Variants in LUZP2 observed in about 807,000 individuals in gnomAD.
The protein encoded by LUZP2 is leucine zipper protein 2.
In LUZP2, 52 loss-of-function variants were observed where a neutral mutation model predicts 51.6. The observed-to-expected ratio is 1.01, with a 90% confidence interval of 0.81 to 1.27. The LOEUF is 1.27. LUZP2 is among the 50% of genes most tolerant of loss of function. The pLI, the probability that LUZP2 is intolerant of heterozygous loss-of-function variation, is 0.00. For synonymous variants in LUZP2, 154 were observed against 137.3 expected (o/e 1.12, Z -0.85); for missense variants, 436 against 395.4 (o/e 1.10, Z -0.87).
At position 24,655,714 on chromosome 11, in the gene LUZP2, A is replaced by G. The variant is rs576734476; in HGVS notation, c.63-73455A>G. Among the ~76,000 whole-genome samples, 5 of 152,312 alleles carry G rather than the reference A, an allele frequency of 3.3e-5. No individual in the cohort carries two copies. The East Asian group carries it at 9.6e-4, about 29-fold the overall frequency. ...CGGGAGGAAATTGTCAGTGTTTGGA[A>G]TTTAGTGACCAGCCTGCTTGTCCAC... On this transcript the variant is annotated intron_variant, in intron 1 of 11. Coordinates refer to ENST00000336930, the MANE Select transcript of LUZP2 (RefSeq NM_001009909.4).
chr11:25,059,523 T>C (rs945511895), intron 10 of LUZP2, among the ~76,000 whole-genome samples: 1 of 152,206 alleles, frequency 6.6e-6, no homozygotes, highest in Non-Finnish European at 1.5e-5. Context: ...ATATCTGCAC[T>C]GAAGTCAAAC....
chr11:24,641,847 A>T (rs1036388248), intron 1 of LUZP2, among the ~76,000 whole-genome samples: 3 of 151,960 alleles, frequency 2.0e-5, no homozygotes, highest in African/African-American at 7.3e-5. Context: ...AAATGTCAAA[A>T]TCAAATAGTT....
intron 1 of LUZP2, among the ~76,000 whole-genome samples, chr11:24,695,549 G>T (rs1381267581): frequency 6.6e-6 from 1 of 152,008 alleles, no homozygotes; most frequent in Non-Finnish European, 1.5e-5. Flanking sequence ...CTACACTGTA[G>T]TACACGAGAA....
chr11:24,929,904 G>T (rs1854394490), intron 7 of LUZP2, among the ~76,000 whole-genome samples: 1 of 152,042 alleles, frequency 6.6e-6, no homozygotes, highest in African/African-American at 2.4e-5. Context: ...TATAAATTTG[G>T]GAGCTCCAGT....
At chr11:24,800,283 C>G (rs1476188257) in intron 5 of LUZP2, among the ~76,000 whole-genome samples, 1 of 152,078 alleles carries the variant, frequency 6.6e-6, no homozygotes, top group Admixed American at 6.6e-5. Flanking sequence ...TCATGAAAGA[C>G]TCCGTGGCCC....
intron 5 of LUZP2, among the ~76,000 whole-genome samples, chr11:24,857,241 C>T (rs1308821352): frequency 6.7e-6 from 1 of 149,266 alleles, no homozygotes; most frequent in Non-Finnish European, 1.5e-5. Flanking sequence ...TATCCCCACT[C>T]CCCTACCCAC....
At chr11:24,659,216 A>G (rs867917425) in intron 1 of LUZP2, among the ~76,000 whole-genome samples, 1 of 152,248 alleles carries the variant, frequency 6.6e-6, no homozygotes, top group African/African-American at 2.4e-5. Context: ...TGTGGCACAT[A>G]TACACCATGG....
At chr11:24,701,777 G>GA (rs1461086319) in intron 1 of LUZP2, among the ~76,000 whole-genome samples, 3 of 152,142 alleles carry the variant, frequency 2.0e-5, no homozygotes, top group Non-Finnish European at 2.9e-5. Flanking sequence ...GGTACAACCA[G>GA]AAAAAACTCC....
At chr11:24,799,434 A>G (rs1849632618) in intron 5 of LUZP2, among the ~76,000 whole-genome samples, 1 of 151,956 alleles carries the variant, frequency 6.6e-6, no homozygotes, top group Admixed American at 6.6e-5. Context: ...CGTCCCTACT[A>G]AAAATACAAA....
intron 5 of LUZP2, among the ~76,000 whole-genome samples, chr11:24,784,332 A>G (rs1314885246): frequency 6.6e-6 from 1 of 151,932 alleles, no homozygotes; most frequent in Non-Finnish European, 1.5e-5. Flanking sequence ...TTTCACAATT[A>G]AGAATCATTA....
chr11:24,619,035 T>G (rs953521743), intron 1 of LUZP2, among the ~76,000 whole-genome samples: 1 of 151,690 alleles, frequency 6.6e-6, no homozygotes, highest in African/African-American at 2.4e-5. Flanking sequence ...TTTATTTATT[T>G]ATTTATTTAT....
rs146437054 is a variant in LUZP2, at chr11:24,768,378, G to A, written c.396+5070G>A. Among the ~76,000 whole-genome samples, 404 of 152,224 alleles carry A rather than the reference G, an allele frequency of 2.7e-3. 3 individuals carry two copies. The highest frequency in any genetic ancestry group is 9.3e-3 in the African/African-American group (387 of 41,540). On this transcript the variant is annotated intron_variant, in intron 5 of 11. Transcript: ENST00000336930. The stretch of plus-strand genomic sequence containing the variant: ...ACCCGCCTTGGCCTCCCAAAGTGCT[G>A]GGATTACAGGCATAAGCCATCGCAC...
intron 5 of LUZP2, among the ~76,000 whole-genome samples, chr11:24,774,958 C>A (rs1848873242): frequency 6.6e-6 from 1 of 150,800 alleles, no homozygotes. Context: ...CCCTTGCCTG[C>A]TCATTTCTGG....
rs76151125 is a variant in LUZP2 at position 24,652,511 on chromosome 11, G to C, written c.63-76658G>C. Among the ~76,000 whole-genome samples the C allele has an allele frequency of 4.3e-3, 661 of 152,118 alleles. 5 individuals carry two copies. Among genetic ancestry groups the C allele is most frequent in the African/African-American group, 0.014 (570 of 41,516 alleles). On this transcript the variant is annotated intron_variant, in intron 1 of 11. Transcript: ENST00000336930. ...GGAAAACAGTGAGAAAAGATTAAAC[G>C]TGAAAATCTATAGATAATATTTAAG...
chr11:24,771,613 A>G (rs1411623148), intron 5 of LUZP2, among the ~76,000 whole-genome samples: 1 of 151,630 alleles, frequency 6.6e-6, no homozygotes, highest in African/African-American at 2.4e-5. Context: ...ATTAAGAAAA[A>G]GACACTACCT....
At chr11:24,848,759 TC>T (rs1231026663) in intron 5 of LUZP2, among the ~76,000 whole-genome samples, 9 of 152,280 alleles carry the variant, frequency 5.9e-5, no homozygotes, top group African/African-American at 2.2e-4. Flanking sequence ...ACATTTCAAT[TC>T]TTTTTATGAG....
At chr11:24,672,658 G>A (rs11028097) in intron 1 of LUZP2, among the ~76,000 whole-genome samples, 28,392 of 152,096 alleles carry the variant, frequency 0.19, 2,758 homozygotes, top group East Asian at 0.32. Flanking sequence ...TCTGAGAAAT[G>A]CATTGTCATG....
In LUZP2 at chr11:25,061,567, T is replaced by A. The variant is rs370633769; in HGVS notation, c.858+11437T>A. On this transcript the variant is annotated intron_variant, in intron 10 of 11. Transcript: ENST00000336930. ...ATTTGTGCATGCTTTCCTGATTAAT[T>A]TGCATATTTTATTACTTGAATTTGC... 3.9e-5 allele frequency among the ~76,000 whole-genome samples: 6 copies of A among 152,316 alleles called. No individual in the cohort carries two copies. In the East Asian group the frequency reaches 5.8e-4, roughly 15 times the overall value.
chr11:24,825,231 T>TGAGAAAATG (rs1564945894), intron 5 of LUZP2, among the ~76,000 whole-genome samples: 1 of 152,222 alleles, frequency 6.6e-6, no homozygotes, highest in Non-Finnish European at 1.5e-5. Flanking sequence ...AAAAAGGGTG[T>TGAGAAAATG]GAGAAAATGT....
Sources: allele counts gnomAD v4.1 joint callset (sites outside exome capture counted in the v4.1 genomes callset), GRCh38; gene constraint gnomAD v4.1.1; transcripts MANE v1.5; gene names NCBI Gene and HGNC (gene_info 2026-07-23, HGNC 2026-07-21).